The following RYR2 variants were observed in gnomAD, a reference collection of about 807,000 sequenced individuals.
RYR2 encodes the protein cardiac muscle ryanodine receptor-calcium release channel.
Under a neutral mutation model 601.1 loss-of-function variants are expected in RYR2, and 227 were observed. The ratio of observed to expected loss-of-function variants is 0.38; its 90% CI spans 0.34 to 0.42. The LOEUF is 0.42. Ranked by LOEUF, RYR2 falls within the 10% of genes least tolerant of loss-of-function variation. The pLI, the probability that RYR2 is intolerant of heterozygous loss-of-function variation, is 1.00. For missense variants in RYR2, 4,646 were observed against 6,156.5 expected (o/e 0.75, Z 8.21); for synonymous variants, 2,223 against 2,175.1 (o/e 1.02, Z -0.61).
intron 1 of RYR2, among the ~76,000 whole-genome samples, chr1:237,146,523 G>A (rs938387743): frequency 6.6e-6 from 1 of 152,172 alleles, no homozygotes; most frequent in East Asian, 1.9e-4. Flanking sequence ...AATTCCCACT[G>A]CTTTGCAGGA....
rs1415188748 is a variant in RYR2 at position 237,627,870 on chromosome 1, A to G, written c.6230A>G (p.Asp2077Gly). ...TGGGCTCAGGAGTCTGTCATTGAAG[A>G]CCCCGAGCTGGTGAGGGCCATGTTT... ...VRWAQESVIEDPELVRAMFVL... is the reference protein window; with the variant it reads ...VRWAQESVIEGPELVRAMFVL... Residue 2077 changes from aspartate to glycine, a missense_variant, in exon 41 of 105, where the codon GAC (aspartate) becomes GGC (glycine). By Grantham distance (94) the Asp-to-Gly change is moderately conservative. This residue lies in a region of RYR2 where 170 missense variants were observed against 184.5 expected (regional missense o/e 0.92). Transcript: ENST00000366574. 1.8e-5 allele frequency: 29 copies of G among 1,613,250 alleles called. No individual in the cohort carries two copies. Among genetic ancestry groups the G allele is most frequent in the African/African-American group, 2.7e-5 (2 of 74,772 alleles).
At position 237,118,467 on chromosome 1, in the gene RYR2, T is replaced by A. The variant is rs145085783; in HGVS notation, c.48+75898T>A. ...GAAACACAAGTACAATTTTTCATGGTTACTACCTTCAAGGGTAGGCTCAGT... is the reference window on the plus strand; with the variant it reads ...GAAACACAAGTACAATTTTTCATGGATACTACCTTCAAGGGTAGGCTCAGT... On this transcript the variant is annotated intron_variant, in intron 1 of 104. Coordinates refer to ENST00000366574, the MANE Select transcript of RYR2 (RefSeq NM_001035.3). 4.3e-3 allele frequency among the ~76,000 whole-genome samples: 660 copies of A among 151,818 alleles called. 1 individual carries two copies. The highest frequency in any genetic ancestry group is 6.7e-3 in the Non-Finnish European group (454 of 67,976).
At chr1:237,680,273 C>T (rs1454327094) in intron 61 of RYR2, among the ~76,000 whole-genome samples, 183 bp from the exon 62 acceptor site, 1 of 152,108 alleles carries the variant, frequency 6.6e-6, no homozygotes, top group Non-Finnish European at 1.5e-5. Flanking sequence ...ATAATCACAT[C>T]CTGCCACTGT....
chr1:237,384,317 C>T (rs1480723273), intron 8 of RYR2, among the ~76,000 whole-genome samples: 1 of 152,208 alleles, frequency 6.6e-6, no homozygotes, highest in East Asian at 1.9e-4. Context: ...CTGTAAACTC[C>T]TTATTACCTA....
At chr1:237,599,946 C>CTGT (rs1676318586) in intron 34 of RYR2, among the ~76,000 whole-genome samples, 1 of 151,914 alleles carries the variant, frequency 6.6e-6, no homozygotes. Flanking sequence ...ATATCTCATG[C>CTGT]TGTTGGATTG....
intron 91 of RYR2, 94 bp from the exon 92 acceptor site, chr1:237,787,894 C>T (rs1657849860): frequency 8.6e-7 from 1 of 1,164,140 alleles, no homozygotes; most frequent in Admixed American, 2.5e-5. Flanking sequence ...AATATGATGG[C>T]CTAAAATATT....
intron 87 of RYR2, among the ~76,000 whole-genome samples, chr1:237,777,845 G>A (rs1694789233): frequency 6.6e-6 from 1 of 152,190 alleles, no homozygotes; most frequent in Non-Finnish European, 1.5e-5. Flanking sequence ...CCAAAGGTGG[G>A]GGCACTTTTA....
intron 1 of RYR2, among the ~76,000 whole-genome samples, chr1:237,224,454 C>T (rs576503009): frequency 9.2e-5 from 14 of 152,228 alleles, no homozygotes; most frequent in Admixed American, 5.9e-4. Flanking sequence ...ACCCCCATGT[C>T]GTTCAAAGGT....
chr1:237,832,051 C>T (rs4659504), intron 104 of RYR2, among the ~76,000 whole-genome samples: 84,631 of 151,318 alleles, frequency 0.56, 24,301 homozygotes, highest in African/African-American at 0.69. Context: ...TACACACACA[C>T]ATATATTTTT....
At chr1:237,626,100 T>C (rs1383373509) in intron 40 of RYR2, among the ~76,000 whole-genome samples, 1 of 152,332 alleles carries the variant, frequency 6.6e-6, no homozygotes, top group East Asian at 1.9e-4. Flanking sequence ...AGTATAGTAA[T>C]TTAGCCTTCA....
chr1:237,297,688 T>C (rs1231490621), intron 2 of RYR2, among the ~76,000 whole-genome samples: 1 of 151,772 alleles, frequency 6.6e-6, no homozygotes, highest in Non-Finnish European at 1.5e-5. Context: ...ATTCCTAATA[T>C]ATTGGGAGCG....
intron 1 of RYR2, among the ~76,000 whole-genome samples, chr1:237,259,380 C>T (rs1166119586): frequency 6.6e-6 from 1 of 151,982 alleles, no homozygotes; most frequent in Non-Finnish European, 1.5e-5. Flanking sequence ...TGGTGCTGTG[C>T]GCCTGTAATC....
chr1:237,820,348 G>C (rs1050195175), intron 101 of RYR2, among the ~76,000 whole-genome samples: 2 of 152,146 alleles, frequency 1.3e-5, no homozygotes, highest in South Asian at 4.1e-4. Flanking sequence ...GGACTGGTTG[G>C]ACAGTGGGTG....
chr1:237,668,842 A>G (rs1684556324), intron 58 of RYR2, among the ~76,000 whole-genome samples: 1 of 152,252 alleles, frequency 6.6e-6, no homozygotes, highest in South Asian at 2.1e-4. Context: ...AGGATTGGTC[A>G]CAGAGAGGAA....
At chr1:237,529,296 A>T (rs887021827) in intron 24 of RYR2, among the ~76,000 whole-genome samples, 6 of 152,110 alleles carry the variant, frequency 3.9e-5, no homozygotes, top group Non-Finnish European at 8.8e-5. Context: ...TGGTCTTCCC[A>T]TAGTTTTGCA....
chr1:237,705,528 T>C (rs1688297100), intron 67 of RYR2, among the ~76,000 whole-genome samples, 185 bp downstream of exon 67: 1 of 152,116 alleles, frequency 6.6e-6, no homozygotes, highest in South Asian at 2.1e-4. Context: ...ATATGATACA[T>C]ATAGGGCAGC....
At chr1:237,737,329 T>C (rs553981811) in intron 79 of RYR2, among the ~76,000 whole-genome samples, 1 of 152,340 alleles carries the variant, frequency 6.6e-6, no homozygotes, top group South Asian at 2.1e-4. Flanking sequence ...ATGTCCAGCT[T>C]GCACCACGCA....
chr1:237,615,223 C>T (rs955289411), intron 37 of RYR2, among the ~76,000 whole-genome samples: 2 of 152,176 alleles, frequency 1.3e-5, no homozygotes, highest in Non-Finnish European at 2.9e-5. Context: ...GGGTCTCACT[C>T]AGTCACCCAG....
At chr1:237,792,468 C>CT in intron 94 of RYR2, 145 bp downstream of exon 94, 2 of 571,772 alleles carry the variant, frequency 3.5e-6, no homozygotes, top group South Asian at 5.5e-5. Flanking sequence ...GAGCTGGAAA[C>CT]TTTGTGCACA....
Sources: allele counts gnomAD v4.1 joint callset (sites outside exome capture counted in the v4.1 genomes callset), GRCh38; gene constraint gnomAD v4.1.1; regional missense constraint gnomAD v4.1.1; transcripts MANE v1.5; gene names NCBI Gene and HGNC (gene_info 2026-07-23, HGNC 2026-07-21).